Variants in FAM78B observed in about 807,000 individuals in gnomAD.
FAM78B encodes the protein protein FAM78B.
In FAM78B, 10 loss-of-function variants were observed where a neutral mutation model predicts 20.0. The ratio of observed to expected loss-of-function variants is 0.50; its 90% CI spans 0.31 to 0.85. FAM78B has a LOEUF of 0.85. Ranked by LOEUF, FAM78B falls within the 40% of genes least tolerant of loss-of-function variation. FAM78B has a pLI of 0.05. For missense variants in FAM78B, 283 were observed against 345.0 expected (o/e 0.82, Z 1.42); for synonymous variants, 135 against 132.8 (o/e 1.02, Z -0.12).
intron 1 of FAM78B, among the ~76,000 whole-genome samples, chr1:166,152,697 T>C (rs1157245248): frequency 6.6e-6 from 1 of 151,186 alleles, no homozygotes; most frequent in Non-Finnish European, 1.5e-5. Context: ...TATTTATTTA[T>C]TGATGGAATC....
chr1:166,131,927 G>C (rs530287019), intron 1 of FAM78B, among the ~76,000 whole-genome samples: 1 of 152,274 alleles, frequency 6.6e-6, no homozygotes, highest in South Asian at 2.1e-4. Flanking sequence ...AAATTGCAGT[G>C]ACAGTGGTGT....
downstream of FAM78B, among the ~76,000 whole-genome samples, chr1:166,068,331 C>CCAAA (rs1651879109): frequency 6.6e-6 from 1 of 152,144 alleles, no homozygotes; most frequent in Admixed American, 6.6e-5. Context: ...ACAGAGAATG[C>CCAAA]CAAACATAAC....
At chr1:166,064,295 G>C (rs1404036390) in intron 2 of FAM78B, among the ~76,000 whole-genome samples, 1 of 152,092 alleles carries the variant, frequency 6.6e-6, no homozygotes, top group African/African-American at 2.4e-5. Flanking sequence ...GCCAAGATCT[G>C]GGACATCAAA....
intron 1 of FAM78B, among the ~76,000 whole-genome samples, chr1:166,107,566 T>C (rs1270196073): frequency 6.6e-6 from 1 of 152,084 alleles, no homozygotes; most frequent in Non-Finnish European, 1.5e-5. Context: ...CTATCAGACA[T>C]TCAAAGAAGC....
chr1:166,096,493 T>TTTG (rs148792747), intron 1 of FAM78B, among the ~76,000 whole-genome samples: 3,876 of 152,232 alleles, frequency 0.025, 251 homozygotes, highest in Admixed American at 0.14. Context: ...GTGGTAGCAT[T>TTTG]TTGTTGTTGT....
chr1:166,100,470 T>G (rs1420121189), intron 1 of FAM78B, among the ~76,000 whole-genome samples: 1 of 152,204 alleles, frequency 6.6e-6, no homozygotes, highest in Middle Eastern at 3.2e-3. Flanking sequence ...AGATGGCACC[T>G]GGAAAATCGG....
intron 1 of FAM78B, among the ~76,000 whole-genome samples, chr1:166,150,093 T>C (rs1441042525): frequency 6.6e-6 from 1 of 152,176 alleles, no homozygotes; most frequent in Non-Finnish European, 1.5e-5. Flanking sequence ...ACAATGAGGA[T>C]GGCTGTGCCT....
At chr1:166,142,489 A>C (rs942414150) in intron 1 of FAM78B, among the ~76,000 whole-genome samples, 1 of 152,244 alleles carries the variant, frequency 6.6e-6, no homozygotes, top group Non-Finnish European at 1.5e-5. Flanking sequence ...TGTATGGTGC[A>C]CAATGGGATT....
At chr1:166,156,848 G>A (rs1655915973) in intron 1 of FAM78B, among the ~76,000 whole-genome samples, 1 of 152,022 alleles carries the variant, frequency 6.6e-6, no homozygotes, top group Admixed American at 6.5e-5. Context: ...CCCCCAGCCT[G>A]AGTGATACTG....
chr1:166,129,807 G>A (rs1183325048), intron 1 of FAM78B, among the ~76,000 whole-genome samples: 1 of 151,820 alleles, frequency 6.6e-6, no homozygotes, highest in Non-Finnish European at 1.5e-5. Context: ...AAGCCACCTT[G>A]TGCTGGCCTC....
At chr1:166,084,237 A>ACACTCTCTCTCTCT (rs771421402) in intron 1 of FAM78B, among the ~76,000 whole-genome samples, 257 of 125,468 alleles carry the variant, frequency 2.0e-3, no homozygotes, top group Admixed American at 4.4e-3. Context: ...ACACACACAC[A>ACACTCTCTCTCTCT]CTCTCTCTCT....
intron 1 of FAM78B, among the ~76,000 whole-genome samples, chr1:166,074,537 CTATT>C (rs1443807431): frequency 6.6e-6 from 1 of 152,156 alleles, no homozygotes; most frequent in Non-Finnish European, 1.5e-5. Context: ...AACTTAATAA[CTATT>C]TATTAAAAGA....
chr1:166,103,224 T>C (rs998010034), intron 1 of FAM78B, among the ~76,000 whole-genome samples: 4 of 152,196 alleles, frequency 2.6e-5, no homozygotes, highest in Admixed American at 6.5e-5. Flanking sequence ...GGGAAATTTA[T>C]AGCACTAAAG....
In FAM78B at chr1:166,106,585, C is replaced by T. The variant is rs1653796351; in HGVS notation, c.264-35822G>A. ...GTGAGCATTTAAGTGAATTTAAGAG[C>T]ATTTAAGGGCATTTAAGTGAATTAA... On this transcript the variant is annotated intron_variant, in intron 1 of 1. Coordinates refer to ENST00000354422, the MANE Select transcript of FAM78B (RefSeq NM_001017961.5). 2.0e-5 allele frequency among the ~76,000 whole-genome samples: 3 copies of T among 152,020 alleles called. No individual in the cohort carries two copies. In the South Asian group the frequency reaches 6.2e-4, roughly 32 times the overall value.
intron 1 of FAM78B, among the ~76,000 whole-genome samples, chr1:166,125,881 G>A (rs1252669128): frequency 7.3e-6 from 1 of 137,906 alleles, no homozygotes; most frequent in Admixed American, 8.0e-5. Context: ...CGCCAGGCTG[G>A]AGTGCAGTGG....
intron 1 of FAM78B, among the ~76,000 whole-genome samples, chr1:166,091,760 A>G (rs764147680): frequency 1.3e-5 from 2 of 152,198 alleles, no homozygotes; most frequent in Non-Finnish European, 2.9e-5. Context: ...ACATTTCACA[A>G]AACAATCCCC....
At chr1:166,080,089 G>A (rs73023435) in intron 1 of FAM78B, among the ~76,000 whole-genome samples, 2,125 of 152,270 alleles carry the variant, frequency 0.014, 52 homozygotes, top group African/African-American at 0.049. Flanking sequence ...CCGCTAGTGA[G>A]GGGCAGAATC....
intron 1 of FAM78B, among the ~76,000 whole-genome samples, chr1:166,164,122 A>G (rs940661781): frequency 6.6e-6 from 1 of 152,218 alleles, no homozygotes; most frequent in Admixed American, 6.5e-5. Context: ...CTGTATTTAT[A>G]TATTTGCTTT....
chr1:166,111,332 T>C (rs1015955305), intron 1 of FAM78B, among the ~76,000 whole-genome samples: 3 of 152,190 alleles, frequency 2.0e-5, no homozygotes, highest in African/African-American at 4.8e-5. Context: ...AATTTCATAT[T>C]TGCTCTCTGC....
Sources: allele counts gnomAD v4.1 joint callset (sites outside exome capture counted in the v4.1 genomes callset), GRCh38; gene constraint gnomAD v4.1.1; transcripts MANE v1.5; gene names NCBI Gene and HGNC (gene_info 2026-07-23, HGNC 2026-07-21).